Variants in DMD observed in about 807,000 individuals in gnomAD.
The protein encoded by DMD is dystrophin, also known as mutant dystrophin.
A neutral mutation model predicts 330.1 loss-of-function variants in DMD; 63 were observed. The observed-to-expected ratio is 0.19, with a 90% confidence interval of 0.16 to 0.24. DMD has a LOEUF of 0.24. Ranked by LOEUF, DMD falls within the 10% of genes least tolerant of loss-of-function variation. The probability of loss-of-function intolerance (pLI) is 1.00; values close to 1 mark genes in which losing one functional copy is unlikely to be tolerated. For synonymous variants in DMD, 1,223 were observed against 959.8 expected, an observed-to-expected ratio of 1.27 and a Z score of -5.07; for missense variants, 3,344 against 2,684.1, an observed-to-expected ratio of 1.25 and a Z score of -5.43.
At chrX:31,917,909 A>T (rs1450618375) in intron 47 of DMD, among the ~76,000 whole-genome samples, 4 of 111,978 alleles carry the variant, frequency 3.6e-5, no homozygotes, top group Non-Finnish European at 7.5e-5. Flanking sequence ...TAACGTGCAC[A>T]GTTTGGGACA....
At chrX:33,335,303 A>C (rs2148967422) in intron 1 of DMD, among the ~76,000 whole-genome samples, 1 of 108,969 alleles carries the variant, frequency 9.2e-6, no homozygotes, top group Non-Finnish European at 1.9e-5. Context: ...TATCATATAT[A>C]TCCTTCTAAA....
At chrX:32,582,880 C>A (rs1255743183) in intron 13 of DMD, among the ~76,000 whole-genome samples, 3 of 111,300 alleles carry the variant, frequency 2.7e-5, no homozygotes, top group Non-Finnish European at 5.7e-5. Context: ...ATATCTTTCT[C>A]AAGGACCTAG....
intron 47 of DMD, among the ~76,000 whole-genome samples, chrX:31,885,712 A>G (rs142421121): frequency 0.036 from 3,981 of 110,592 alleles, 70 homozygotes; most frequent in Middle Eastern, 0.065. Context: ...TGTGAGTACA[A>G]TCTATACCCT....
At chrX:32,396,975 A>G (rs2098049204) in intron 30 of DMD, among the ~76,000 whole-genome samples, 2 of 111,816 alleles carry the variant, frequency 1.8e-5, no homozygotes, top group Non-Finnish European at 3.8e-5. Flanking sequence ...AGTAACTTGT[A>G]CAAATAACAG....
rs183354475 is a variant in DMD at position 32,698,985 on chromosome X, T to C, written c.831+127A>G. The C allele has an allele frequency of 1.0e-3, 587 of 584,977 alleles. 5 individuals are homozygous for C. The African/African-American group carries it at 0.012, about 11-fold the overall frequency. The allele number at this position is 584,977 out of a possible 1,213,427, so 48.2% of individuals were successfully genotyped here. On this transcript the variant is annotated intron_variant, in intron 8 of 78. Coordinates refer to ENST00000357033, the MANE Select transcript of DMD (RefSeq NM_004006.3). ...GTCTGTCTCTTTTTGTACATATACA[T>C]ACATTAGGCTTTGTATATATACACG...
chrX:32,448,896 A>G lies in DMD; in HGVS notation c.3604-258T>C, dbSNP rs1232052849. Among the ~76,000 whole-genome samples, 5 of 110,990 alleles carry G rather than the reference A, an allele frequency of 4.5e-5. No homozygotes were observed. In the Admixed American group the frequency reaches 4.8e-4, roughly 11 times the overall value. The stretch of plus-strand genomic sequence containing the variant: ...AAAAGTAGTCTGCATGGAGGTATGG[A>G]TTTGTGGTCAAATATATACACATTG... On this transcript the variant is annotated intron_variant, in intron 26 of 78. Transcript: ENST00000357033.
At chrX:33,059,255 A>G (rs752710814) in intron 1 of DMD, among the ~76,000 whole-genome samples, 5 of 111,318 alleles carry the variant, frequency 4.5e-5, no homozygotes, top group Non-Finnish European at 7.5e-5. Context: ...ATGTTTACTT[A>G]ATCACCATTG....
chrX:32,140,401 A>T (rs1458707020), intron 44 of DMD, among the ~76,000 whole-genome samples: 1 of 112,471 alleles, frequency 8.9e-6, no homozygotes, highest in Non-Finnish European at 1.9e-5. Context: ...TAGCATACAA[A>T]AATCGTCAAC....
At chrX:32,283,174 A>G (rs2097426833) in intron 43 of DMD, among the ~76,000 whole-genome samples, 1 of 111,468 alleles carries the variant, frequency 9.0e-6, no homozygotes, top group African/African-American at 3.3e-5. Flanking sequence ...TGCATCATGG[A>G]ACCTAGCTCT....
At chrX:31,675,476 C>G (rs1259419112) in intron 53 of DMD, among the ~76,000 whole-genome samples, 1 of 111,733 alleles carries the variant, frequency 8.9e-6, no homozygotes, top group African/African-American at 3.3e-5. Flanking sequence ...GATTCCCCTG[C>G]CTCAGCCTCC....
At chrX:32,551,068 G>C (rs766989354) in intron 16 of DMD, among the ~76,000 whole-genome samples, 7 of 110,842 alleles carry the variant, frequency 6.3e-5, no homozygotes, top group Non-Finnish European at 9.5e-5. Context: ...AGAAGGAAAA[G>C]CTGGTATCAT....
At chrX:32,526,715 C>T (rs754749366) in intron 17 of DMD, among the ~76,000 whole-genome samples, 1 of 112,019 alleles carries the variant, frequency 8.9e-6, no homozygotes, top group East Asian at 2.8e-4. Context: ...CACATACAAA[C>T]ATCTCAAAGA....
intron 44 of DMD, among the ~76,000 whole-genome samples, chrX:32,170,772 A>G (rs1349107890): frequency 1.8e-5 from 2 of 110,437 alleles, no homozygotes; most frequent in African/African-American, 6.6e-5. Flanking sequence ...GTCTCTACCA[A>G]ATGAATACCA....
At chrX:32,666,075 G>A (rs1000230586) in intron 9 of DMD, among the ~76,000 whole-genome samples, 1 of 111,037 alleles carries the variant, frequency 9.0e-6, no homozygotes, top group African/African-American at 3.3e-5. Flanking sequence ...CAAAACAGAA[G>A]TAGGGAAAGA....
intron 17 of DMD, among the ~76,000 whole-genome samples, chrX:32,535,929 C>T (rs1163387435): frequency 9.0e-6 from 1 of 111,380 alleles, no homozygotes; most frequent in Non-Finnish European, 1.9e-5. Context: ...AAAATAAAGT[C>T]ATTACCATAC....
intron 1 of DMD, among the ~76,000 whole-genome samples, chrX:33,221,735 T>G (rs2052184189): frequency 9.0e-6 from 1 of 111,008 alleles, no homozygotes; most frequent in African/African-American, 3.3e-5. Flanking sequence ...AGTAAGGGTT[T>G]ACTATGAACA....
At chrX:32,132,833 TA>T (rs1280259180) in intron 44 of DMD, among the ~76,000 whole-genome samples, 62 of 110,378 alleles carry the variant, frequency 5.6e-4, no homozygotes, top group Non-Finnish European at 1.3e-4. Flanking sequence ...ATGTTATATC[TA>T]AAAAAATTAC....
chrX:33,213,736 G>C (rs745930519), upstream of DMD, among the ~76,000 whole-genome samples: 1 of 112,005 alleles, frequency 8.9e-6, no homozygotes, highest in African/African-American at 3.2e-5. Context: ...TTCTCCCAAA[G>C]ATTAACTACA....
intron 33 of DMD, among the ~76,000 whole-genome samples, chrX:32,381,547 C>T (rs767530203): frequency 3.7e-4 from 41 of 111,485 alleles, no homozygotes; most frequent in Non-Finnish European, 6.8e-4. Context: ...AGATAAATTA[C>T]AATTTCTTAA....
Sources: gnomAD v4.1 joint callset for allele counts (sites outside exome capture counted in the v4.1 genomes callset) on GRCh38, gnomAD v4.1.1 for gene constraint, MANE v1.5 for transcripts, NCBI Gene and HGNC (gene_info 2026-07-23, HGNC 2026-07-21) for gene names.